The following RTRAF variants were observed in gnomAD, a reference collection of about 807,000 sequenced individuals.
RTRAF encodes tRNA-splicing ligase complex subunit RTRAF.
Under a neutral mutation model 34.4 loss-of-function variants are expected in RTRAF, and 14 were observed. The observed-to-expected ratio is 0.41, with a 90% CI of 0.27 to 0.64. The LOEUF is 0.64. Among genes scored for constraint, RTRAF ranks in the 30% least tolerant of loss-of-function variants. The probability of loss-of-function intolerance (pLI) is 0.34; values close to 1 mark genes in which losing one functional copy is unlikely to be tolerated. For synonymous variants in RTRAF, 96 were observed against 95.3 expected, an observed-to-expected ratio of 1.01 and a Z score of -0.04; for missense variants, 291 against 288.4, an observed-to-expected ratio of 1.01 and a Z score of -0.06.
chr14:51,991,064 A>T (rs575030360), intron 1 of RTRAF, among the ~76,000 whole-genome samples: 236 of 152,294 alleles, frequency 1.5e-3, no homozygotes, highest in African/African-American at 5.6e-3. Context: ...GAAGAGTCTG[A>T]GGCACAGAAA....
intron 5 of RTRAF, among the ~76,000 whole-genome samples, chr14:52,001,462 T>C (rs1200585023): frequency 6.6e-6 from 1 of 152,212 alleles, no homozygotes; most frequent in Non-Finnish European, 1.5e-5. Context: ...GTAAGGAATC[T>C]GTAGGGGATC....
chr14:52,004,171 A>AT, intron 6 of RTRAF, 23 bp from the exon 7 acceptor site: 3 of 1,597,742 alleles, frequency 1.9e-6, no homozygotes, highest in South Asian at 1.1e-5. Context: ...AAATACTCTC[A>AT]TTTTGTCTTT....
chr14:51,991,583 T>C (rs1566731015), intron 2 of RTRAF, 142 bp downstream of exon 2: 21 of 948,912 alleles, frequency 2.2e-5, no homozygotes, highest in Non-Finnish European at 3.1e-5. Context: ...ATTTTGCTTT[T>C]TTCTTAGATG....
chr14:51,989,700 G>A lies in RTRAF; in HGVS notation c.61G>A (p.Asp21Asn), dbSNP rs1294555811. Residue 21 changes from aspartate (D) to asparagine (N), a missense_variant and splice_region_variant, in exon 1 of 8, where the codon GAT becomes AAT. Coordinates refer to ENST00000261700, the MANE Select transcript of RTRAF (RefSeq NM_016039.3). ...CAACCCCGCCGGCTTCAACTGCAAAGGTGAGGCGGCGGCCTCAGCCCGGCC... is the reference window on the plus strand; with the variant it reads ...CAACCCCGCCGGCTTCAACTGCAAAAGTGAGGCGGCGGCCTCAGCCCGGCC... ...YHNPAGFNCK[D>N]ETEFRNFIVW... is the part of the protein sequence containing the mutation. 2 of 1,600,798 alleles carry A rather than the reference G, an allele frequency of 1.2e-6. No individual in the cohort carries two copies. Among genetic ancestry groups the A allele is most frequent in the Admixed American group, 3.4e-5 (2 of 58,910 alleles).
rs1890742205 is a variant in RTRAF, at chr14:52,005,588, T to G, written c.*1072T>G. The stretch of plus-strand genomic sequence containing the variant: ...AAGTCTTTGCATTTTGTGTATAAAC[T>G]AGGTAGATTTAAGGTAGTAAAGACT... On this transcript the variant is annotated 3_prime_UTR_variant, in exon 8 of 8. Coordinates refer to ENST00000261700, the MANE Select transcript of RTRAF (RefSeq NM_016039.3). The G allele has an allele frequency of 6.7e-7, 1 of 1,499,886 alleles. No individual in the cohort carries two copies. Among genetic ancestry groups the G allele is most frequent in the Admixed American group, 1.8e-5 (1 of 55,546 alleles). The allele number at this position is 1,499,886 out of a possible 1,614,324, so 92.9% of individuals were successfully genotyped here.
intron 3 of RTRAF, 68 bp from the exon 4 acceptor site, chr14:51,998,426 G>C: frequency 2.4e-6 from 2 of 844,410 alleles, no homozygotes; most frequent in Non-Finnish European, 3.6e-6. Context: ...GTTAAATTTG[G>C]TAAATAGCAG....
rs1236978411 is a variant in RTRAF, at chr14:52,007,630, A to G, written c.*3114A>G. The G allele has an allele frequency of 3.2e-6, 2 of 630,406 alleles. No individual in the cohort carries two copies. The highest frequency in any genetic ancestry group is 3.7e-5 in the African/African-American group (2 of 54,156). The allele number at this position is 630,406 out of a possible 1,614,324, so 39.1% of individuals were successfully genotyped here. A position where few individuals can be genotyped will look rare whatever the true frequency, so the allele number is the denominator to read the frequency against. On this transcript the variant is annotated 3_prime_UTR_variant, in exon 8 of 8. Transcript: ENST00000261700. ...CTTGATATATCCTTCCCTCCACCCA[A>G]ACCCCAGAAAGTTCATTTTAAGACT...
chr14:52,005,534 T>C lies in RTRAF; in HGVS notation c.*1018T>C, dbSNP rs777103067. 1 of 1,587,530 alleles carries C rather than the reference T, an allele frequency of 6.3e-7. No individual in the cohort carries two copies. Among genetic ancestry groups the C allele is most frequent in the African/African-American group, 1.4e-5 (1 of 73,666 alleles). On this transcript the variant is annotated 3_prime_UTR_variant, in exon 8 of 8. Coordinates refer to ENST00000261700, the MANE Select transcript of RTRAF (RefSeq NM_016039.3). ...AGCAGGGGTGGGACAGGGTGGTGGG[T>C]GAGTATATTGTAACCAAGTTGCAAC...
chr14:51,991,712 C>T (rs1443188051), intron 2 of RTRAF, among the ~76,000 whole-genome samples: 5 of 152,100 alleles, frequency 3.3e-5, no homozygotes, highest in African/African-American at 1.2e-4. Context: ...GTAAATATTT[C>T]GCTTTCCCTT....
At chr14:52,004,299 G>GAAAT (rs34688526) in intron 7 of RTRAF, 57 bp downstream of exon 7, 622,998 of 1,602,156 alleles carry the variant, frequency 0.39, 124,524 homozygotes, top group African/African-American at 0.58. Context: ...TACTTGGGAG[G>GAAAT]AAATAAATGG....
intron 6 of RTRAF, among the ~76,000 whole-genome samples, chr14:52,003,255 T>C (rs938901343): frequency 2.0e-5 from 3 of 152,112 alleles, no homozygotes; most frequent in African/African-American, 7.2e-5. Context: ...CTTGGTGGCC[T>C]GTTGGCAAAG....
chr14:52,005,715 C>T lies in RTRAF; in HGVS notation c.*1199C>T, dbSNP rs755686365. On this transcript the variant is annotated 3_prime_UTR_variant, in exon 8 of 8. Transcript: ENST00000261700. The stretch of plus-strand genomic sequence containing the variant: ...TCTCTACCCTGCTAATTTAAAGGAG[C>T]ATCCTAAAGCATACTTTTTACCTGT... 16 of 1,565,946 alleles carry T rather than the reference C, an allele frequency of 1.0e-5. No individual in the cohort carries two copies. The highest frequency in any genetic ancestry group is 1.7e-5 in the Admixed American group (1 of 59,946).
chr14:51,990,717 G>T (rs901086070), intron 1 of RTRAF, among the ~76,000 whole-genome samples: 3 of 152,192 alleles, frequency 2.0e-5, no homozygotes, highest in African/African-American at 7.2e-5. Context: ...GAGGTATGGG[G>T]AGGATTAAAC....
intron 1 of RTRAF, 132 bp from the exon 2 acceptor site, chr14:51,991,185 C>A: frequency 1.1e-6 from 1 of 898,144 alleles, no homozygotes; most frequent in Non-Finnish European, 1.7e-6. Context: ...TTTCAACTCC[C>A]TCTTTTGGTT....
rs141198286 is a variant in RTRAF at position 52,004,074 on chromosome 14, T to G, written c.532-120T>G. On this transcript the variant is annotated intron_variant, in intron 6 of 7. Transcript: ENST00000261700. ...AATATAAACAAAATTCCTAGTTCCCTTGCCCATGCAGCTAAAAGAGTTAAG... is the reference window on the plus strand; with the variant it reads ...AATATAAACAAAATTCCTAGTTCCCGTGCCCATGCAGCTAAAAGAGTTAAG... 4.3e-4 allele frequency: 358 copies of G among 837,848 alleles called. No homozygotes were observed. In the African/African-American group the frequency reaches 5.4e-3, roughly 13 times the overall value. 51.9% of individuals were successfully genotyped at this position (837,848 alleles called of 1,614,324 possible).
chr14:52,001,830 A>G lies in RTRAF; in HGVS notation c.495A>G (p.Thr165=). 2 of 1,610,392 alleles carry G rather than the reference A, an allele frequency of 1.2e-6. No homozygotes were observed. Among genetic ancestry groups the G allele is most frequent in the East Asian group, 2.2e-5 (1 of 44,858 alleles). ...GGATTTTGGTTCAGGAGCGCCTGAC[A>G]CAGGATGCAGTTGCTAAGGCAAATC... ...AIRILVQERL[T]QDAVAKANQT... is the part of the protein sequence containing the mutation. The change falls in exon 6 of 8, where the codon ACA becomes ACG. Residue 165 remains threonine (T), a synonymous_variant. Coordinates refer to ENST00000261700, the MANE Select transcript of RTRAF (RefSeq NM_016039.3).
chr14:51,995,438 C>G lies in RTRAF; in HGVS notation c.286+1616C>G, dbSNP rs150163093. 4.3e-3 allele frequency among the ~76,000 whole-genome samples: 653 copies of G among 152,206 alleles called. 2 individuals are homozygous for G. Among genetic ancestry groups the G allele is most frequent in the Non-Finnish European group, 6.8e-3 (464 of 67,994 alleles). On this transcript the variant is annotated intron_variant, in intron 3 of 7. Transcript: ENST00000261700. Reference sequence around the variant, plus strand: ...CATTGTCATAACTTTGTCTCTGGCTCTGATCCTCCTGAGCCCACCTGGATA... The same window carrying G: ...CATTGTCATAACTTTGTCTCTGGCTGTGATCCTCCTGAGCCCACCTGGATA...
intron 1 of RTRAF, among the ~76,000 whole-genome samples, chr14:51,989,960 C>T (rs550786947): frequency 2.5e-4 from 38 of 152,354 alleles, no homozygotes; most frequent in African/African-American, 9.1e-4. Flanking sequence ...ACTACCTTCT[C>T]TGTACATAAA....
chr14:52,007,705 G>C lies in RTRAF; in HGVS notation c.*3189G>C. On this transcript the variant is annotated 3_prime_UTR_variant, in exon 8 of 8. Coordinates refer to ENST00000261700, the MANE Select transcript of RTRAF (RefSeq NM_016039.3). ...AGTACTTAAAAGTTTACAGACCAAA[G>C]AAAGGAGATCTAAGTGATGGGATTT... 9.6e-7 allele frequency: 1 copy of C among 1,037,658 alleles called. No homozygotes were observed. The highest frequency in any genetic ancestry group is 2.4e-5 in the East Asian group (1 of 41,792). 64.3% of individuals were successfully genotyped at this position (1,037,658 alleles called of 1,614,324 possible).
Sources: gnomAD v4.1 joint callset for allele counts (sites outside exome capture counted in the v4.1 genomes callset) on GRCh38, gnomAD v4.1.1 for gene constraint, MANE v1.5 for transcripts, NCBI Gene and HGNC (gene_info 2026-07-23, HGNC 2026-07-21) for gene names.